The following CNIH1 variants were observed in gnomAD, a reference collection of about 807,000 sequenced individuals.
CNIH1 encodes the protein protein cornichon homolog 1.
CNIH1 carries 12 observed loss-of-function variants against 20.2 expected under a neutral mutation model. The ratio of observed to expected loss-of-function variants is 0.59; its 90% confidence interval spans 0.38 to 0.96. The LOEUF (loss-of-function observed/expected upper bound fraction) is 0.96, where lower values mean the gene tolerates loss of function less well. Among genes scored for constraint, CNIH1 ranks in the 40% least tolerant of loss-of-function variants. CNIH1 has a pLI of 0.00. For synonymous variants in CNIH1, 69 were observed against 63.3 expected, an observed-to-expected ratio of 1.09 and a Z score of -0.43; for missense variants, 152 against 178.8, an observed-to-expected ratio of 0.85 and a Z score of 0.85.
chr14:54,438,159 T>C (rs2031094076), intron 1 of CNIH1, among the ~76,000 whole-genome samples: 1 of 152,120 alleles, frequency 6.6e-6, no homozygotes, highest in African/African-American at 2.4e-5. Context: ...TTTGTAGTTT[T>C]TGTAGAGATG....
chr14:54,430,059 C>A, intron 4 of CNIH1: 1 of 547,108 alleles, frequency 1.8e-6, no homozygotes, highest in Non-Finnish European at 3.2e-6. Context: ...AACCTTCTGC[C>A]TCTGATGGCA....
intron 3 of CNIH1, 101 bp from the exon 4 acceptor site, chr14:54,430,505 A>T: frequency 8.8e-7 from 1 of 1,137,384 alleles, no homozygotes; most frequent in South Asian, 1.9e-5. Context: ...GAGGTGGTCC[A>T]TAAAGGGAAG....
intron 1 of CNIH1, chr14:54,436,652 T>C: frequency 1.7e-6 from 1 of 573,306 alleles, no homozygotes; most frequent in Non-Finnish European, 3.1e-6. Flanking sequence ...TAAAATTTGG[T>C]ATTACTGTAA....
chr14:54,428,098 G>A (rs1487305269), intron 4 of CNIH1, among the ~76,000 whole-genome samples: 3 of 152,198 alleles, frequency 2.0e-5, no homozygotes, highest in South Asian at 2.1e-4. Flanking sequence ...GCTTAATGGC[G>A]GATCAGAGCT....
chr14:54,439,748 C>T (rs959247082), intron 1 of CNIH1, among the ~76,000 whole-genome samples: 6 of 152,102 alleles, frequency 3.9e-5, no homozygotes, highest in African/African-American at 1.4e-4. Flanking sequence ...GACGGGGTTT[C>T]ACCATGTTGG....
chr14:54,434,603 G>A (rs1190092845), intron 2 of CNIH1, among the ~76,000 whole-genome samples: 3 of 152,178 alleles, frequency 2.0e-5, no homozygotes, highest in Non-Finnish European at 4.4e-5. Flanking sequence ...TTCAGGCAAA[G>A]TGCTTACCAC....
At chr14:54,439,165 G>A (rs1057096690) in intron 1 of CNIH1, among the ~76,000 whole-genome samples, 41 of 152,074 alleles carry the variant, frequency 2.7e-4, no homozygotes, top group African/African-American at 9.4e-4. Context: ...TAAACATAAG[G>A]TTATATGGGT....
rs938817107 is a variant in CNIH1, at chr14:54,424,593, G to T, written c.*3221C>A. 9 of 152,218 alleles carry T rather than the reference G, an allele frequency of 5.9e-5. No individual in the cohort carries two copies. The highest frequency in any genetic ancestry group is 2.2e-4 in the African/African-American group (9 of 41,466). 9.4% of individuals were successfully genotyped at this position (152,218 alleles called of 1,614,324 possible). The stretch of plus-strand genomic sequence containing the variant: ...ATAAACATAGAAGGAGAAGAGAGGT[G>T]TTGTACAAAGGATTTTGCTGGTTTC... On this transcript the variant is annotated 3_prime_UTR_variant, in exon 5 of 5. Transcript: ENST00000216416.
At chr14:54,429,121 C>T (rs1344436963) in intron 4 of CNIH1, among the ~76,000 whole-genome samples, 2 of 152,174 alleles carry the variant, frequency 1.3e-5, no homozygotes, top group East Asian at 3.8e-4. Context: ...AGTATATTCA[C>T]ATAGCTTAAA....
Position 54,435,980 on chromosome 14 carries a change from A to C in CNIH1, c.150+389T>G, listed in dbSNP as rs1206706373. 3 of 660,122 alleles carry C rather than the reference A, an allele frequency of 4.5e-6. No individual in the cohort carries two copies. In the African/African-American group the frequency reaches 5.4e-5, roughly 12 times the overall value. 40.9% of individuals were successfully genotyped at this position (660,122 alleles called of 1,614,324 possible). A position where few individuals can be genotyped will look rare whatever the true frequency, so the allele number is the denominator to read the frequency against. The stretch of plus-strand genomic sequence containing the variant: ...AATCATAAACCTCAACAGGCATATG[A>C]ACGAGCACACTGAACAAAACGTTAC... On this transcript the variant is annotated intron_variant, in intron 2 of 4. Coordinates refer to ENST00000216416, the MANE Select transcript of CNIH1 (RefSeq NM_005776.3).
In CNIH1 at chr14:54,425,411, C is replaced by T. The variant is rs1288138646; in HGVS notation, c.*2403G>A. 1 of 151,598 alleles carries T rather than the reference C, an allele frequency of 6.6e-6. No homozygotes were observed. The highest frequency in any genetic ancestry group is 2.4e-5 in the African/African-American group (1 of 41,300). The allele number at this position is 151,598 out of a possible 1,614,324, so 9.4% of individuals were successfully genotyped here. On this transcript the variant is annotated 3_prime_UTR_variant, in exon 5 of 5. Coordinates refer to ENST00000216416, the MANE Select transcript of CNIH1 (RefSeq NM_005776.3). The stretch of plus-strand genomic sequence containing the variant: ...AAAAAAAAAAGAGTACCTAAATGAA[C>T]AGCTGTTGCTGCACAGGGAATGTTT...
At chr14:54,436,341 T>A in intron 2 of CNIH1, 28 bp downstream of exon 2, 1 of 1,252,374 alleles carries the variant, frequency 8.0e-7, no homozygotes, top group Non-Finnish European at 1.2e-6. Context: ...TTTTAAAATC[T>A]AAAGATAAAT....
In CNIH1 at chr14:54,427,762, T is replaced by C. The variant is rs1443164403; in HGVS notation, c.*52A>G. On this transcript the variant is annotated 3_prime_UTR_variant, in exon 5 of 5. Transcript: ENST00000216416. The stretch of plus-strand genomic sequence containing the variant: ...GATCTTGCTGGATAGAATCCCTTCA[T>C]TTGGTGGCTTTTTGCATGCACTTAA... 2 of 1,597,846 alleles carry C rather than the reference T, an allele frequency of 1.3e-6. No individual in the cohort carries two copies. Among genetic ancestry groups the C allele is most frequent in the Non-Finnish European group, 1.7e-6 (2 of 1,166,190 alleles).
chr14:54,438,212 T>G (rs1002334952), intron 1 of CNIH1, among the ~76,000 whole-genome samples: 2 of 152,192 alleles, frequency 1.3e-5, no homozygotes, highest in African/African-American at 4.8e-5. Flanking sequence ...ACTCCTGAGC[T>G]CAGGTGATCC....
At chr14:54,430,425 T>G (rs753256646) in intron 3 of CNIH1, 21 bp from the exon 4 acceptor site, 1 of 1,591,954 alleles carries the variant, frequency 6.3e-7, no homozygotes, top group East Asian at 2.2e-5. Flanking sequence ...CACAGTCTAT[T>G]AGGCATTCAG....
At position 54,425,208 on chromosome 14, in the gene CNIH1, G is replaced by C. The variant is rs1594614186; in HGVS notation, c.*2606C>G. ...GCTAAACAGACATTTATTATGTTAG[G>C]GTTTTAATTCAGGACAATCTGTGGT... On this transcript the variant is annotated 3_prime_UTR_variant, in exon 5 of 5. Transcript: ENST00000216416. 1 of 152,068 alleles carries C rather than the reference G, an allele frequency of 6.6e-6. No individual in the cohort carries two copies. Among genetic ancestry groups the C allele is most frequent in the Non-Finnish European group, 1.5e-5 (1 of 68,010 alleles). 9.4% of individuals were successfully genotyped at this position (152,068 alleles called of 1,614,324 possible).
rs999318928 is a variant in CNIH1, at chr14:54,423,849, T to C, written c.*3965A>G. The C allele has an allele frequency of 6.6e-6, 1 of 152,210 alleles. No individual in the cohort carries two copies. Among genetic ancestry groups the C allele is most frequent in the African/African-American group, 2.4e-5 (1 of 41,466 alleles). 9.4% of individuals were successfully genotyped at this position (152,210 alleles called of 1,614,324 possible). On this transcript the variant is annotated 3_prime_UTR_variant, in exon 5 of 5. Transcript: ENST00000216416. ...TACACAATAAAATGAGACGCAATCC[T>C]TATGCAGGTCAAGATGTTCTCCACA...
At chr14:54,436,034 A>G in intron 2 of CNIH1, 1 of 701,032 alleles carries the variant, frequency 1.4e-6, no homozygotes, top group Non-Finnish European at 2.6e-6. Flanking sequence ...CCTCCCCATG[A>G]AATGAATATA....
chr14:54,436,634 A>G (rs1031824529), intron 1 of CNIH1, 197 bp from the exon 2 acceptor site: 3 of 581,112 alleles, frequency 5.2e-6, no homozygotes, highest in African/African-American at 3.8e-5. Context: ...CTCTTATCTC[A>G]GTATCACTAA....
Sources: allele counts gnomAD v4.1 joint callset (sites outside exome capture counted in the v4.1 genomes callset), GRCh38; gene constraint gnomAD v4.1.1; transcripts MANE v1.5; gene names NCBI Gene and HGNC (gene_info 2026-07-23, HGNC 2026-07-21).